FBN3: variants seen among roughly 807,000 people sequenced by gnomAD.
The protein encoded by FBN3 is fibrillin-3.
A neutral mutation model predicts 330.1 loss-of-function variants in FBN3; 234 were observed. That is an observed-to-expected ratio of 0.71 (90% CI 0.64 to 0.79). The LOEUF (loss-of-function observed/expected upper bound fraction) is 0.79. Ranked by LOEUF, FBN3 falls within the 30% of genes least tolerant of loss-of-function variation. The pLI is 0.00. For missense variants in FBN3, 3,606 were observed against 3,886.9 expected (o/e 0.93, Z 1.92); for synonymous variants, 1,458 against 1,517.3 (o/e 0.96, Z 0.91).
At chr19:8,133,637 A>G (rs2144985236) in intron 13 of FBN3, among the ~76,000 whole-genome samples, 1 of 152,092 alleles carries the variant, frequency 6.6e-6, no homozygotes, top group South Asian at 2.1e-4. Context: ...TATTTTTAGT[A>G]GAGACGGGGT....
At chr19:8,095,582 C>T in intron 45 of FBN3, 79 bp from the exon 46 acceptor site, 1 of 1,482,556 alleles carries the variant, frequency 6.7e-7, no homozygotes, top group Non-Finnish European at 9.2e-7. Flanking sequence ...CTGTCCACAA[C>T]TGAGTTGAGC....
In FBN3 at chr19:8,086,242, C is replaced by T; in HGVS notation, c.6838G>A (p.Asp2280Asn). The T allele has an allele frequency of 1.2e-6, 2 of 1,611,078 alleles. No homozygotes were observed. Among genetic ancestry groups the T allele is most frequent in the East Asian group, 2.2e-5 (1 of 44,538 alleles). ...GTGGGGCTGGGCTGGAATCCCTCAT[C>T]ACAGTCGCACCGGAAGCTGCCCGCG... ...NTAGSFRCDC[D>N]EGFQPSPTLT... Residue 2280 changes from aspartate (D) to asparagine (N), a missense_variant, in exon 55 of 64, where the codon GAT (aspartate) becomes AAT (asparagine). Physicochemically the swap from Asp to Asn is conservative, Grantham distance 23. Transcript: ENST00000600128.
At chr19:8,127,089 G>A (rs1483009164) in intron 18 of FBN3, among the ~76,000 whole-genome samples, 3 of 129,164 alleles carry the variant, frequency 2.3e-5, no homozygotes, top group South Asian at 2.4e-4. Flanking sequence ...ACAGAGTCTC[G>A]CTCTGTCACC....
Position 8,085,398 on chromosome 19 carries a change from C to CA in FBN3, c.7051dup (p.Cys2351LeufsTer10). ...AGCAGTGTAGCCTGAGCCATGGGGG[C>CA]ACAGCTTCCTGTAGGCAGAGGTGCC... On this transcript the variant is annotated frameshift_variant, in exon 56 of 64. Coordinates refer to ENST00000600128, the MANE Select transcript of FBN3 (RefSeq NM_032447.5). LOFTEE classifies it high-confidence loss of function. 1 of 1,579,846 alleles carries CA rather than the reference C, an allele frequency of 6.3e-7. No individual in the cohort carries two copies. The highest frequency in any genetic ancestry group is 1.4e-5 in the African/African-American group (1 of 74,010).
chr19:8,087,172 G>A lies in FBN3; in HGVS notation c.6659C>T (p.Ala2220Val), dbSNP rs1355021543. ...GAGGTTCTTGCACTCCATGCCCCGG[G>A]CGTGGCAGTCCTGCTGACCATCTGC... ...ECADGQQDCH[A>V]RGMECKNLIG... Residue 2220 changes from alanine (A) to valine (V), a missense_variant, in exon 54 of 64, where the codon GCC becomes GTC. Physicochemically the swap from Ala to Val is moderately conservative, Grantham distance 64 (BLOSUM62 0). Coordinates refer to ENST00000600128, the MANE Select transcript of FBN3 (RefSeq NM_032447.5). The A allele has an allele frequency of 6.2e-7, 1 of 1,607,198 alleles. No individual in the cohort carries two copies. Among genetic ancestry groups the A allele is most frequent in the Non-Finnish European group, 8.5e-7 (1 of 1,178,008 alleles).
intron 11 of FBN3, 34 bp from the exon 12 acceptor site, chr19:8,136,343 C>T: frequency 1.9e-6 from 3 of 1,605,328 alleles, no homozygotes; most frequent in Non-Finnish European, 2.6e-6. Context: ...CTAGCACGAG[C>T]AGGGCAGTGA....
At chr19:8,071,810 A>G in intron 63 of FBN3, among the ~76,000 whole-genome samples, 1 of 152,108 alleles carries the variant, frequency 6.6e-6, no homozygotes, top group African/African-American at 2.4e-5. Context: ...ACTTGTCACC[A>G]GGAGTGAGGC....
chr19:8,133,786 T>G (rs1568445607), intron 13 of FBN3, among the ~76,000 whole-genome samples: 2 of 152,058 alleles, frequency 1.3e-5, no homozygotes, highest in Admixed American at 6.6e-5. Flanking sequence ...ATTTAGGTTG[T>G]GTGAATCTTA....
chr19:8,103,498 G>A, intron 39 of FBN3, 64 bp downstream of exon 39: 1 of 1,555,602 alleles, frequency 6.4e-7, no homozygotes. Context: ...GCTCCCAGCA[G>A]TTCCTCCCAT....
At position 8,065,724 on chromosome 19, in the gene FBN3, A is replaced by T; in HGVS notation, c.*195T>A. The T allele has an allele frequency of 1.7e-6, 1 of 571,874 alleles. No individual in the cohort carries two copies. Among genetic ancestry groups the T allele is most frequent in the Non-Finnish European group, 3.1e-6 (1 of 324,482 alleles). 35.4% of individuals were successfully genotyped at this position (571,874 alleles called of 1,614,324 possible). A position where few individuals can be genotyped will look rare whatever the true frequency, so the allele number is the denominator to read the frequency against. On this transcript the variant is annotated 3_prime_UTR_variant, in exon 64 of 64. Transcript: ENST00000600128. ...TTCTTGCTGTCTCCAGGAAAGACTG[A>T]GTAACTGGGGGGCCCCCGGGGCTGG...
chr19:8,069,438 G>A (rs2081464266), intron 63 of FBN3, among the ~76,000 whole-genome samples: 1 of 152,094 alleles, frequency 6.6e-6, no homozygotes, highest in Admixed American at 6.6e-5. Context: ...TGCCGACGGA[G>A]TGTTTTGCTG....
intron 46 of FBN3, among the ~76,000 whole-genome samples, 196 bp from the exon 47 acceptor site, chr19:8,094,761 C>T (rs1009669569): frequency 6.6e-5 from 10 of 152,056 alleles, no homozygotes; most frequent in African/African-American, 2.2e-4. Context: ...ATCTGACTCT[C>T]GTGGGGTTAT....
At position 8,131,625 on chromosome 19, in the gene FBN3, G is replaced by A. The variant is rs752747827; in HGVS notation, c.1919C>T (p.Ser640Phe). The A allele has an allele frequency of 8.1e-6, 13 of 1,614,076 alleles. No homozygotes were observed. The highest frequency in any genetic ancestry group is 1.0e-5 in the Non-Finnish European group (12 of 1,180,032). ...ARPFPGTVTK[S>F]ECCCANPDHG... Reference sequence around the variant, plus strand: ...GTCCGGATTGGCACAGCAGCACTCGGACTTGGTGACAGTGCCAGGGAAGGG... The same window carrying A: ...GTCCGGATTGGCACAGCAGCACTCGAACTTGGTGACAGTGCCAGGGAAGGG... Residue 640 changes from serine (S) to phenylalanine (F), a missense_variant, in exon 15 of 64, where the codon TCC becomes TTC. By Grantham distance (155) the Ser-to-Phe change is radical (BLOSUM62 -2). Transcript: ENST00000600128. The surrounding 1 kb of genome is among the most constrained non-coding windows in gnomAD (Gnocchi z 4.5).
chr19:8,116,877 A>G, intron 28 of FBN3, 78 bp from the exon 29 acceptor site: 1 of 1,533,832 alleles, frequency 6.5e-7, no homozygotes, highest in East Asian at 2.3e-5. Context: ...CCCAGGCCCC[A>G]GGACGACCTG....
intron 13 of FBN3, 26 bp downstream of exon 13, chr19:8,135,935 T>TGGGGGGGGGGGGGGGGGCG: frequency 1.5e-6 from 2 of 1,344,154 alleles, no homozygotes; most frequent in Non-Finnish European, 2.0e-6. Flanking sequence ...CGGAAGCCCC[T>TGGGGGGGGGGGGGGGGGCG]GCCCACCCGC....
At chr19:8,105,257 TTTTC>T (rs1417334774) in intron 38 of FBN3, among the ~76,000 whole-genome samples, 4 of 151,350 alleles carry the variant, frequency 2.6e-5, no homozygotes, top group Admixed American at 2.6e-4. Flanking sequence ...CCAGTCTTTT[TTTTC>T]TTTTTTTTTT....
intron 10 of FBN3, among the ~76,000 whole-genome samples, chr19:8,137,043 C>G (rs1774101984): frequency 6.7e-6 from 1 of 149,666 alleles, no homozygotes; most frequent in South Asian, 2.2e-4. Context: ...GCACCTCGAT[C>G]CCTTCAACCT....
chr19:8,103,266 CAAA>C (rs71165275), intron 39 of FBN3, among the ~76,000 whole-genome samples: 8 of 107,954 alleles, frequency 7.4e-5, no homozygotes, highest in Admixed American at 1.1e-4. Flanking sequence ...GACTCTATCT[CAAA>C]AAAAAAAAAA....
intron 3 of FBN3, 128 bp from the exon 4 acceptor site, chr19:8,146,353 C>G (rs1174809592): frequency 1.3e-6 from 1 of 742,612 alleles, no homozygotes; most frequent in Non-Finnish European, 2.3e-6. Context: ...CGGCTCTGCT[C>G]ATAGCACACC....
Sources: gnomAD v4.1 joint callset for allele counts (sites outside exome capture counted in the v4.1 genomes callset) on GRCh38, gnomAD v4.1.1 for gene constraint, Gnocchi (gnomAD v3.1) non-coding constraint, MANE v1.5 for transcripts, NCBI Gene and HGNC (gene_info 2026-07-23, HGNC 2026-07-21) for gene names.